TNR: variants seen among roughly 807,000 people sequenced by gnomAD.
TNR encodes tenascin R.
In TNR, 45 loss-of-function variants were observed where a neutral mutation model predicts 150.4. The ratio of observed to expected loss-of-function variants is 0.30; its 90% CI spans 0.24 to 0.38. The LOEUF is 0.38. Ranked by LOEUF, TNR falls within the 10% of genes least tolerant of loss-of-function variation. The pLI is 1.00. For missense variants in TNR, 1,544 were observed against 1,759.1 expected (o/e 0.88, Z 2.19); for synonymous variants, 687 against 678.4 (o/e 1.01, Z -0.20).
intron 2 of TNR, among the ~76,000 whole-genome samples, chr1:175,502,226 AG>A (rs1240675038): frequency 6.6e-6 from 1 of 152,148 alleles, no homozygotes; most frequent in African/African-American, 2.4e-5. Flanking sequence ...GATTTCAAAA[AG>A]CTTCCCACGT....
At chr1:175,350,187 A>G (rs1219375596) in intron 18 of TNR, among the ~76,000 whole-genome samples, 1 of 152,226 alleles carries the variant, frequency 6.6e-6, no homozygotes, top group Non-Finnish European at 1.5e-5. Flanking sequence ...CCCACAGAAC[A>G]GCTCAGCCTG....
chr1:175,629,101 G>C (rs968839943), intron 1 of TNR, among the ~76,000 whole-genome samples: 1 of 152,090 alleles, frequency 6.6e-6, no homozygotes, highest in Non-Finnish European at 1.5e-5. Context: ...GCGGTGCACT[G>C]GGCTTCTGAG....
chr1:175,674,302 T>G (rs1665796791), intron 1 of TNR, among the ~76,000 whole-genome samples: 1 of 152,188 alleles, frequency 6.6e-6, no homozygotes, highest in Non-Finnish European at 1.5e-5. Flanking sequence ...ATAGCTCCCC[T>G]CCTGAGCAAT....
At chr1:175,448,878 C>T (rs537637425) in intron 2 of TNR, among the ~76,000 whole-genome samples, 1 of 152,096 alleles carries the variant, frequency 6.6e-6, no homozygotes, top group Non-Finnish European at 1.5e-5. Flanking sequence ...CCCTCCATGC[C>T]AAAAAACAGG....
intron 7 of TNR, among the ~76,000 whole-genome samples, chr1:175,387,832 G>A (rs1298473542): frequency 6.6e-6 from 1 of 152,176 alleles, no homozygotes; most frequent in East Asian, 1.9e-4. Context: ...GTTTTTCAAG[G>A]TTGAGCCTTT....
chr1:175,342,985 G>T (rs1375492682), intron 18 of TNR, among the ~76,000 whole-genome samples: 1 of 152,122 alleles, frequency 6.6e-6, no homozygotes, highest in Non-Finnish European at 1.5e-5. Flanking sequence ...TGTGGCTCTT[G>T]ATTCAACATG....
intron 1 of TNR, among the ~76,000 whole-genome samples, chr1:175,620,844 A>G (rs77623793): frequency 1.3e-5 from 2 of 151,966 alleles, no homozygotes; most frequent in African/African-American, 4.8e-5. Flanking sequence ...AGAAAAAAAA[A>G]AGAGAGAGAG....
At chr1:175,635,344 C>T (rs1334315252) in intron 1 of TNR, among the ~76,000 whole-genome samples, 1 of 152,238 alleles carries the variant, frequency 6.6e-6, no homozygotes, top group Non-Finnish European at 1.5e-5. Flanking sequence ...TGCCCCAGGG[C>T]AGTGAATGAC....
intron 1 of TNR, among the ~76,000 whole-genome samples, chr1:175,559,009 T>C (rs1458563371): frequency 6.6e-6 from 1 of 152,224 alleles, no homozygotes; most frequent in Non-Finnish European, 1.5e-5. Flanking sequence ...AGGTTGTGCG[T>C]GTGTTGGGGT....
intron 13 of TNR, 30 bp from the exon 14 acceptor site, chr1:175,362,839 T>G (rs756887987): frequency 6.2e-7 from 1 of 1,612,806 alleles, no homozygotes; most frequent in South Asian, 1.1e-5. Flanking sequence ...ACAGTTAAAA[T>G]TCAGCAGCCC....
chr1:175,423,344 G>T (rs1025227222), intron 2 of TNR, among the ~76,000 whole-genome samples: 1 of 152,122 alleles, frequency 6.6e-6, no homozygotes, highest in Non-Finnish European at 1.5e-5. Context: ...GGTCATCACT[G>T]GGTGCTAAAT....
At chr1:175,688,099 C>T (rs1057088496) in intron 1 of TNR, among the ~76,000 whole-genome samples, 1 of 152,264 alleles carries the variant, frequency 6.6e-6, no homozygotes, top group African/African-American at 2.4e-5. Flanking sequence ...ATAGAGGAAA[C>T]TGACTTCTAA....
intron 9 of TNR, 78 bp from the exon 10 acceptor site, chr1:175,367,375 T>A (rs1264290019): frequency 7.7e-6 from 9 of 1,170,078 alleles, no homozygotes; most frequent in African/African-American, 1.5e-5. Flanking sequence ...AAGAAAATGA[T>A]CTTAGACTCC....
Position 175,334,419 on chromosome 1 carries a change from G to T in TNR, c.3631+1292C>A, listed in dbSNP as rs188822311. On this transcript the variant is annotated intron_variant, in intron 20 of 22. Transcript: ENST00000367674. ...GGCCAAGAGATTAGGATTACGGAGG[G>T]ATTTGAGTTCTGCTAAAATGTAGGC... 8.4e-4 allele frequency among the ~76,000 whole-genome samples: 128 copies of T among 152,328 alleles called. 2 individuals carry two copies. Among genetic ancestry groups the T allele is most frequent in the African/African-American group, 3.0e-3 (123 of 41,584 alleles).
intron 5 of TNR, among the ~76,000 whole-genome samples, 158 bp downstream of exon 5, chr1:175,396,386 C>A (rs1221363353): frequency 6.6e-6 from 1 of 152,218 alleles, no homozygotes; most frequent in Admixed American, 6.5e-5. Context: ...TAATGATGTA[C>A]CCTTTCTAAA....
intron 1 of TNR, among the ~76,000 whole-genome samples, chr1:175,652,860 A>G (rs546282242): frequency 2.8e-4 from 42 of 152,348 alleles, no homozygotes; most frequent in African/African-American, 9.4e-4. Context: ...CCCAATAGAA[A>G]AGTGAGAAAA....
Position 175,354,263 on chromosome 1 carries a change from G to A in TNR, c.3382+128C>T, listed in dbSNP as rs958516491. 6 of 1,281,660 alleles carry A rather than the reference G, an allele frequency of 4.7e-6. No homozygotes were observed. In the African/African-American group the frequency reaches 9.0e-5, roughly 19 times the overall value. The allele number at this position is 1,281,660 out of a possible 1,614,324, so 79.4% of individuals were successfully genotyped here. A position where few individuals can be genotyped will look rare whatever the true frequency, so the allele number is the denominator to read the frequency against. ...TTTCCTGGTAGGGGCTTGGACAGGG[G>A]AAAAGAAGGAGGAGGCAACTGAGCT... On this transcript the variant is annotated intron_variant, in intron 18 of 22. Coordinates refer to ENST00000367674, the MANE Select transcript of TNR (RefSeq NM_003285.3).
intron 1 of TNR, among the ~76,000 whole-genome samples, chr1:175,591,193 T>A (rs16848729): frequency 5.9e-5 from 9 of 152,098 alleles, no homozygotes; most frequent in Non-Finnish European, 1.0e-4. Flanking sequence ...CTCCTCTGTA[T>A]GAATGCAGAC....
intron 1 of TNR, among the ~76,000 whole-genome samples, chr1:175,665,125 T>C (rs1665497782): frequency 6.6e-6 from 1 of 152,258 alleles, no homozygotes; most frequent in Admixed American, 6.5e-5. Context: ...GGACATTGAT[T>C]TGAAATGAAG....
Sources: gnomAD v4.1 joint callset for allele counts (sites outside exome capture counted in the v4.1 genomes callset) on GRCh38, gnomAD v4.1.1 for gene constraint, MANE v1.5 for transcripts, NCBI Gene and HGNC (gene_info 2026-07-23, HGNC 2026-07-21) for gene names.